Variants in PTPRM observed in about 807,000 individuals in gnomAD.
PTPRM encodes protein tyrosine phosphatase receptor type M.
In PTPRM, 47 loss-of-function variants were observed where a neutral mutation model predicts 186.7. The ratio of observed to expected loss-of-function variants is 0.25; its 90% confidence interval spans 0.20 to 0.32. The LOEUF is 0.32. PTPRM is among the 10% of genes least tolerant of loss of function. The pLI is 1.00. For missense variants in PTPRM, 1,494 were observed against 1,865.0 expected (o/e 0.80, Z 3.66); for synonymous variants, 668 against 674.9 (o/e 0.99, Z 0.16).
chr18:7,671,853 G>C (rs149317633), intron 1 of PTPRM, among the ~76,000 whole-genome samples: 6 of 152,100 alleles, frequency 3.9e-5, no homozygotes, highest in Non-Finnish European at 8.8e-5. Flanking sequence ...CTGGTGTACC[G>C]AAGTCTAAAA....
chr18:7,789,273 C>T (rs956472424), intron 2 of PTPRM, among the ~76,000 whole-genome samples: 5 of 152,016 alleles, frequency 3.3e-5, no homozygotes, highest in Admixed American at 6.6e-5. Context: ...TGCAGCAAGC[C>T]GTGATTGTGC....
intron 17 of PTPRM, among the ~76,000 whole-genome samples, chr18:8,251,271 G>C (rs77248112): frequency 1.3e-5 from 2 of 152,196 alleles, no homozygotes; most frequent in Non-Finnish European, 2.9e-5. Context: ...ACCATGGAGG[G>C]CATGTTAATT....
chr18:8,233,749 A>C (rs567140071), intron 14 of PTPRM, among the ~76,000 whole-genome samples: 1 of 151,946 alleles, frequency 6.6e-6, no homozygotes, highest in Admixed American at 6.6e-5. Flanking sequence ...ATTTTCTCCT[A>C]TGTTATCTTC....
At chr18:7,873,149 C>T (rs1037708840) in intron 2 of PTPRM, among the ~76,000 whole-genome samples, 1 of 152,152 alleles carries the variant, frequency 6.6e-6, no homozygotes, top group Non-Finnish European at 1.5e-5. Flanking sequence ...TCCATACTGT[C>T]ATCATAAGCA....
intron 2 of PTPRM, among the ~76,000 whole-genome samples, chr18:7,836,955 C>T (rs1188664028): frequency 6.6e-6 from 1 of 152,060 alleles, no homozygotes; most frequent in Non-Finnish European, 1.5e-5. Context: ...TTATTAAATG[C>T]CTTGAGGTAG....
intron 1 of PTPRM, among the ~76,000 whole-genome samples, chr18:7,740,377 C>T (rs945659663): frequency 7.9e-5 from 12 of 152,052 alleles, no homozygotes; most frequent in Non-Finnish European, 4.4e-5. Context: ...CAAGTTGCCC[C>T]GAATATACAC....
intron 13 of PTPRM, among the ~76,000 whole-genome samples, chr18:8,129,380 C>T (rs1600724496): frequency 6.6e-6 from 1 of 152,194 alleles, no homozygotes; most frequent in African/African-American, 2.4e-5. Flanking sequence ...TGGAACTAGA[C>T]ACATAGTTGC....
chr18:8,348,479 C>G (rs1266300454), intron 23 of PTPRM, among the ~76,000 whole-genome samples: 1 of 152,264 alleles, frequency 6.6e-6, no homozygotes, highest in African/African-American at 2.4e-5. Flanking sequence ...TGGGAAGAGA[C>G]CCTTGTCAGT....
chr18:7,674,220 T>G (rs2039283238), intron 1 of PTPRM, among the ~76,000 whole-genome samples: 1 of 152,008 alleles, frequency 6.6e-6, no homozygotes, highest in Non-Finnish European at 1.5e-5. Context: ...ATGTCATCGG[T>G]GTTGGGGATG....
intron 5 of PTPRM, chr18:7,946,859 C>T: frequency 4.4e-6 from 2 of 449,476 alleles, no homozygotes; most frequent in South Asian, 3.2e-5. Context: ...TATTGCAGCA[C>T]TCCTGTCTGC....
intron 14 of PTPRM, among the ~76,000 whole-genome samples, chr18:8,218,184 A>C (rs1258129033): frequency 1.3e-5 from 2 of 152,202 alleles, no homozygotes; most frequent in East Asian, 3.8e-4. Flanking sequence ...GCTATAATGG[A>C]GAATTTAAAT....
intron 22 of PTPRM, among the ~76,000 whole-genome samples, chr18:8,336,292 C>A (rs1021145058): frequency 2.0e-4 from 31 of 152,126 alleles, no homozygotes; most frequent in Non-Finnish European, 5.9e-5. Context: ...GACACAGTGG[C>A]TCATCCCTGC....
intron 2 of PTPRM, among the ~76,000 whole-genome samples, chr18:7,863,015 A>G (rs1019997378): frequency 4.6e-5 from 7 of 152,056 alleles, no homozygotes; most frequent in Non-Finnish European, 8.8e-5. Context: ...GCTTTCTTCT[A>G]TTAGGTTTGG....
At chr18:7,905,776 T>G (rs1023399298) in intron 3 of PTPRM, among the ~76,000 whole-genome samples, 1 of 152,226 alleles carries the variant, frequency 6.6e-6, no homozygotes, top group Non-Finnish European at 1.5e-5. Context: ...TATATTCTTA[T>G]AGTACACTGC....
intron 14 of PTPRM, among the ~76,000 whole-genome samples, chr18:8,231,260 T>C (rs1026032357): frequency 5.9e-5 from 9 of 152,164 alleles, no homozygotes; most frequent in African/African-American, 2.2e-4. Context: ...CCTGTGACCT[T>C]GAATGGCAAT....
At chr18:8,104,606 G>C (rs941799186) in intron 11 of PTPRM, among the ~76,000 whole-genome samples, 1 of 151,874 alleles carries the variant, frequency 6.6e-6, no homozygotes, top group African/African-American at 2.4e-5. Flanking sequence ...GCCACCACAC[G>C]CAGCTGATTT....
chr18:8,091,534 G>A (rs1277663731), intron 11 of PTPRM, among the ~76,000 whole-genome samples: 6 of 151,696 alleles, frequency 4.0e-5, no homozygotes, highest in Non-Finnish European at 7.4e-5. Context: ...TGGGTAAATC[G>A]TGTTGGCACA....
At chr18:7,774,051 C>T in intron 1 of PTPRM, 98 bp from the exon 2 acceptor site, 1 of 1,273,888 alleles carries the variant, frequency 7.8e-7, no homozygotes, top group Non-Finnish European at 1.1e-6. Context: ...AGTTTGGCAT[C>T]AAACTTGGCA....
chr18:8,213,407 A>G (rs141174312), intron 14 of PTPRM, among the ~76,000 whole-genome samples: 3 of 152,362 alleles, frequency 2.0e-5, no homozygotes, highest in Admixed American at 6.5e-5. Context: ...CAGATATTTA[A>G]CGGTCACCCG....
Sources: allele counts gnomAD v4.1 joint callset (sites outside exome capture counted in the v4.1 genomes callset), GRCh38; gene constraint gnomAD v4.1.1; transcripts MANE v1.5; gene names NCBI Gene and HGNC (gene_info 2026-07-23, HGNC 2026-07-21).